Variants in LPIN2 observed in about 807,000 individuals in gnomAD.
LPIN2 encodes the protein lipin 2, also known as phosphatidate phosphatase LPIN2.
Under a neutral mutation model 111.4 loss-of-function variants are expected in LPIN2, and 55 were observed. The observed-to-expected ratio is 0.49, with a 90% CI of 0.40 to 0.62. The LOEUF (loss-of-function observed/expected upper bound fraction) is 0.62. Ranked by LOEUF, LPIN2 falls within the 20% of genes least tolerant of loss-of-function variation. The pLI is 0.00. For synonymous variants in LPIN2, 425 were observed against 414.0 expected, an observed-to-expected ratio of 1.03 and a Z score of -0.32; for missense variants, 992 against 1,112.1, an observed-to-expected ratio of 0.89 and a Z score of 1.54.
At chr18:2,967,042 G>A (rs552148071) in intron 1 of LPIN2, 5 of 152,172 alleles carry the variant, frequency 3.3e-5, no homozygotes, top group Admixed American at 6.5e-5. Context: ...CCATGATTAC[G>A]GTTTGCATTT....
intron 1 of LPIN2, among the ~76,000 whole-genome samples, chr18:2,962,576 A>G (rs187195071): frequency 6.6e-6 from 1 of 152,354 alleles, no homozygotes; most frequent in Non-Finnish European, 1.5e-5. Flanking sequence ...AAATATTCAT[A>G]TAACATCCCA....
chr18:3,003,538 T>G (rs931261941), intron 1 of LPIN2, among the ~76,000 whole-genome samples: 1 of 152,178 alleles, frequency 6.6e-6, no homozygotes, highest in African/African-American at 2.4e-5. Flanking sequence ...ATTAATACCT[T>G]TATAACTTCT....
At chr18:2,944,412 C>T (rs1342070609) in intron 4 of LPIN2, among the ~76,000 whole-genome samples, 8 of 126,788 alleles carry the variant, frequency 6.3e-5, no homozygotes, top group Admixed American at 1.0e-4. Flanking sequence ...AGTGCAGTGG[C>T]GCAATCTCAG....
rs371358114 is a variant in LPIN2, at chr18:2,920,326, C to T, written c.2658G>A (p.Pro886=). ...EFSSFCYWRD[P]IPEVDLDDLS is the part of the protein sequence containing the mutation. Reference sequence around the variant, plus strand: ...GGTCATCCAGGTCCACTTCAGGGATCGGGTCTCGCCAGTAGCAGAAGGAGC... The same window carrying T: ...GGTCATCCAGGTCCACTTCAGGGATTGGGTCTCGCCAGTAGCAGAAGGAGC... Residue 886 remains proline (P), a synonymous_variant, in exon 20 of 20, where the codon CCG becomes CCA. Transcript: ENST00000677752. 6.9e-5 allele frequency: 112 copies of T among 1,614,020 alleles called. No individual in the cohort carries two copies. Among genetic ancestry groups the T allele is most frequent in the African/African-American group, 1.7e-4 (13 of 74,926 alleles).
intron 16 of LPIN2, 121 bp downstream of exon 16, chr18:2,923,654 G>T (rs1598521540): frequency 1.1e-6 from 1 of 873,204 alleles, no homozygotes; most frequent in Non-Finnish European, 1.9e-6. Context: ...GTGAGGAAGA[G>T]CGGGAATGCT....
At chr18:3,009,286 C>A (rs2078564911) in intron 1 of LPIN2, among the ~76,000 whole-genome samples, 2 of 151,544 alleles carry the variant, frequency 1.3e-5, no homozygotes, top group Non-Finnish European at 2.9e-5. Context: ...GTAGTCCCAG[C>A]TACTCAGGAG....
At chr18:2,934,671 T>C (rs1194935697) in intron 7 of LPIN2, among the ~76,000 whole-genome samples, 2 of 152,252 alleles carry the variant, frequency 1.3e-5, no homozygotes, top group African/African-American at 2.4e-5. Flanking sequence ...ATTTTACTCA[T>C]TCTCTCATTT....
rs1464208006 is a variant in LPIN2, at chr18:2,951,052, T to C, written c.590+3A>G. 1 of 1,613,948 alleles carries C rather than the reference T, an allele frequency of 6.2e-7. No homozygotes were observed. Among genetic ancestry groups the C allele is most frequent in the Non-Finnish European group, 8.5e-7 (1 of 1,180,038 alleles). On this transcript the variant is annotated splice_donor_region_variant and intron_variant, in intron 4 of 19. Coordinates refer to ENST00000677752, the MANE Select transcript of LPIN2 (RefSeq NM_001375808.2). ...AAGACCCTTCCCAGGCTGAGAGTCC[T>C]ACCGTGCTGCCTGGGCCCCCTTGTC... is the stretch of plus-strand genomic sequence containing the variant.
intron 1 of LPIN2, among the ~76,000 whole-genome samples, chr18:2,983,258 C>T (rs1444365891): frequency 1.3e-5 from 2 of 152,182 alleles, no homozygotes; most frequent in African/African-American, 4.8e-5. Flanking sequence ...AGATTACATG[C>T]CTCCAAGAGC....
intron 4 of LPIN2, among the ~76,000 whole-genome samples, chr18:2,942,665 C>T (rs1298321011): frequency 1.3e-5 from 2 of 152,172 alleles, no homozygotes; most frequent in Non-Finnish European, 2.9e-5. Flanking sequence ...GACAAAAATA[C>T]AGCCCATTAG....
chr18:2,932,411 G>A (rs1418695526), intron 8 of LPIN2, among the ~76,000 whole-genome samples: 1 of 152,064 alleles, frequency 6.6e-6, no homozygotes, highest in East Asian at 1.9e-4. Flanking sequence ...GTTTTAACTA[G>A]GTAACAGTTT....
Position 2,925,362 on chromosome 18 carries a change from G to C in LPIN2, c.1800C>G (p.Ala600=). The C allele has an allele frequency of 6.2e-7, 1 of 1,614,030 alleles. No individual in the cohort carries two copies. The highest frequency in any genetic ancestry group is 8.5e-7 in the Non-Finnish European group (1 of 1,179,978). Residue 600 remains alanine (A), a synonymous_variant, in exon 14 of 20, where the codon GCC becomes GCG. Coordinates refer to ENST00000677752, the MANE Select transcript of LPIN2 (RefSeq NM_001375808.2). This position sits in a 1 kb window ranked among gnomAD's most constrained non-coding sequence, Gnocchi z 4.1. ...CCTCGTCACTCGAGGAGTCATTCTCGGCCGGCCTGTTCAACATTAGCCCAG... is the reference window on the plus strand; with the variant it reads ...CCTCGTCACTCGAGGAGTCATTCTCCGCCGGCCTGTTCAACATTAGCCCAG... ...SSKEPAGARP[A]ENDSSSDEGS... is the part of the protein sequence containing the mutation.
At chr18:3,004,416 A>G (rs1157872971) in intron 1 of LPIN2, among the ~76,000 whole-genome samples, 2 of 152,184 alleles carry the variant, frequency 1.3e-5, no homozygotes, top group African/African-American at 4.8e-5. Flanking sequence ...TATTTCTCAG[A>G]CCGGCCAACA....
intron 2 of LPIN2, among the ~76,000 whole-genome samples, chr18:2,959,743 C>G (rs1292679232): frequency 6.6e-6 from 1 of 152,186 alleles, no homozygotes; most frequent in Non-Finnish European, 1.5e-5. Flanking sequence ...AGCCTATGGT[C>G]TGTTGGTTAG....
intron 1 of LPIN2, among the ~76,000 whole-genome samples, chr18:2,964,384 C>A (rs1439612951): frequency 6.7e-6 from 1 of 149,588 alleles, no homozygotes; most frequent in East Asian, 1.9e-4. Flanking sequence ...TATATTGAAG[C>A]CCTGACGCCC....
rs530340850 is a variant in LPIN2, at chr18:2,936,809, A to G, written c.1168+883T>C. Reference sequence around the variant, plus strand: ...TGCCCAGGCTGATCTCGAAATCCTGAGCTCAAGTGATCTGTCCACCTCAGC... The same window carrying G: ...TGCCCAGGCTGATCTCGAAATCCTGGGCTCAAGTGATCTGTCCACCTCAGC... On this transcript the variant is annotated intron_variant, in intron 7 of 19. Coordinates refer to ENST00000677752, the MANE Select transcript of LPIN2 (RefSeq NM_001375808.2). Among the ~76,000 whole-genome samples, 128 of 152,250 alleles carry G rather than the reference A, an allele frequency of 8.4e-4. No individual in the cohort carries two copies. In the South Asian group the frequency reaches 0.011, roughly 13 times the overall value.
At chr18:2,961,275 G>C (rs868070889) in intron 1 of LPIN2, among the ~76,000 whole-genome samples, 4 of 152,170 alleles carry the variant, frequency 2.6e-5, no homozygotes, top group Admixed American at 6.5e-5. Flanking sequence ...CATCATCCCC[G>C]GGAGAAACCA....
At position 2,925,003 on chromosome 18, in the gene LPIN2, G is replaced by T. The variant is rs2077108874; in HGVS notation, c.1938+221C>A. ...ACTGACTCTCAAGAGATGGAGGAAG[G>T]AGGTCTGGGGTGGGTGGCAGGACCC... On this transcript the variant is annotated intron_variant, in intron 14 of 19. Coordinates refer to ENST00000677752, the MANE Select transcript of LPIN2 (RefSeq NM_001375808.2). This position sits in a 1 kb window ranked among gnomAD's most constrained non-coding sequence, Gnocchi z 4.1. Among the ~76,000 whole-genome samples, 1 of 152,184 alleles carries T rather than the reference G, an allele frequency of 6.6e-6. No individual in the cohort carries two copies. The highest frequency in any genetic ancestry group is 6.5e-5 in the Admixed American group (1 of 15,284).
chr18:2,973,294 A>G (rs1296864531), intron 1 of LPIN2, among the ~76,000 whole-genome samples: 1 of 152,218 alleles, frequency 6.6e-6, no homozygotes, highest in African/African-American at 2.4e-5. Flanking sequence ...CCACCACTAT[A>G]ATCAAGATAC....
Sources: allele counts gnomAD v4.1 joint callset (sites outside exome capture counted in the v4.1 genomes callset), GRCh38; gene constraint gnomAD v4.1.1; non-coding constraint Gnocchi (gnomAD v3.1); transcripts MANE v1.5; gene names NCBI Gene and HGNC (gene_info 2026-07-23, HGNC 2026-07-21).